CCDC192: variants seen among roughly 807,000 people sequenced by gnomAD.
CCDC192 encodes coiled-coil domain containing 192.
intron 3 of CCDC192, among the ~76,000 whole-genome samples, chr5:127,787,515 C>T (rs925064241): frequency 6.6e-6 from 1 of 152,088 alleles, no homozygotes; most frequent in Non-Finnish European, 1.5e-5. Context: ...TGTGTTATTT[C>T]TGTGTACGTG....
intron 5 of CCDC192, among the ~76,000 whole-genome samples, chr5:127,869,252 A>G (rs1483321966): frequency 6.6e-6 from 1 of 152,132 alleles, no homozygotes; most frequent in Non-Finnish European, 1.5e-5. Context: ...TGAACCCGGG[A>G]GGTGGAGGTT....
intron 3 of CCDC192, among the ~76,000 whole-genome samples, chr5:127,780,566 A>G (rs58989039): frequency 0.013 from 2,021 of 152,138 alleles, 42 homozygotes; most frequent in African/African-American, 0.047. Context: ...CATTTTCCTG[A>G]TCATTAGTGA....
At chr5:127,717,928 C>CAAAAAAAAAAAAAAAAAGAAAAAA (rs1751729357) in intron 2 of CCDC192, among the ~76,000 whole-genome samples, 4 of 98,026 alleles carry the variant, frequency 4.1e-5, no homozygotes, top group Non-Finnish European at 4.1e-5. Context: ...TAAAGCTAGA[C>CAAAAAAAAAAAAAAAAAGAAAAAA]AAAAAAAAAA....
At chr5:127,932,311 A>T (rs10057561) in intron 6 of CCDC192, among the ~76,000 whole-genome samples, 122,529 of 151,842 alleles carry the variant, frequency 0.81, 49,617 homozygotes, top group East Asian at 0.98. Context: ...TTCAAGTGAT[A>T]CTCCCACCTC....
intron 5 of CCDC192, among the ~76,000 whole-genome samples, chr5:127,873,905 T>C (rs1285042727): frequency 6.6e-6 from 1 of 152,136 alleles, no homozygotes; most frequent in African/African-American, 2.4e-5. Flanking sequence ...AACACAGCTG[T>C]CCAGCTGTCA....
At chr5:127,810,793 A>T (rs1758038387) in intron 5 of CCDC192, among the ~76,000 whole-genome samples, 1 of 152,142 alleles carries the variant, frequency 6.6e-6, no homozygotes, top group Non-Finnish European at 1.5e-5. Flanking sequence ...CTCAGGCTCC[A>T]TGTGTCATGT....
chr5:127,825,635 C>G (rs1439859579), intron 5 of CCDC192, among the ~76,000 whole-genome samples: 1 of 152,150 alleles, frequency 6.6e-6, no homozygotes, highest in East Asian at 1.9e-4. Context: ...TCTAACTGCT[C>G]CAAACATATA....
intron 3 of CCDC192, among the ~76,000 whole-genome samples, chr5:127,769,512 C>T (rs954484679): frequency 1.2e-4 from 18 of 151,766 alleles, no homozygotes; most frequent in Middle Eastern, 3.4e-3. Context: ...ACTGTGGTAC[C>T]TAATGAGATT....
rs145559699 is a variant in CCDC192 at position 127,733,193 on chromosome 5, A to G, written c.115-21075A>G. ...ACAAGGAGTAACCAGGCTAGGAGGT[A>G]TATTCACATAAAGCCAAGAGTTTCT... On this transcript the variant is annotated intron_variant, in intron 2 of 6. Transcript: ENST00000514853. Among the ~76,000 whole-genome samples, 586 of 152,252 alleles carry G rather than the reference A, an allele frequency of 3.8e-3. 3 individuals are homozygous for G. The highest frequency in any genetic ancestry group is 0.013 in the African/African-American group (555 of 41,542).
At chr5:127,793,608 C>T (rs1381691327) in intron 3 of CCDC192, among the ~76,000 whole-genome samples, 1 of 152,138 alleles carries the variant, frequency 6.6e-6, no homozygotes, top group Non-Finnish European at 1.5e-5. Context: ...GTTAATTCAC[C>T]ACTAAAGCAT....
intron 6 of CCDC192, among the ~76,000 whole-genome samples, chr5:127,925,691 G>A (rs1231355691): frequency 6.6e-6 from 1 of 152,144 alleles, no homozygotes; most frequent in African/African-American, 2.4e-5. Flanking sequence ...TTCCTCTCAA[G>A]TGTGCAAGGG....
intron 6 of CCDC192, among the ~76,000 whole-genome samples, chr5:127,915,675 C>A (rs1464367498): frequency 6.6e-6 from 1 of 152,208 alleles, no homozygotes; most frequent in Non-Finnish European, 1.5e-5. Context: ...GCCACTGCGC[C>A]CAGCAATACT....
At chr5:127,867,200 T>G (rs1413856740) in intron 5 of CCDC192, among the ~76,000 whole-genome samples, 1 of 152,212 alleles carries the variant, frequency 6.6e-6, no homozygotes, top group Non-Finnish European at 1.5e-5. Flanking sequence ...TTCCGGTCCT[T>G]GAACACATGC....
At chr5:127,709,197 GA>G (rs1490332530) in intron 2 of CCDC192, among the ~76,000 whole-genome samples, 1,246 of 113,006 alleles carry the variant, frequency 0.011, 25 homozygotes, top group African/African-American at 0.022. Flanking sequence ...GAGGTGGAGA[GA>G]GGGGGAGAGA....
chr5:127,896,112 C>A (rs189654737), intron 6 of CCDC192, among the ~76,000 whole-genome samples: 43 of 152,088 alleles, frequency 2.8e-4, no homozygotes, highest in Non-Finnish European at 4.4e-4. Flanking sequence ...GTGACTATCA[C>A]AAGAGATTGA....
chr5:127,757,691 G>T (rs577322225), intron 3 of CCDC192, among the ~76,000 whole-genome samples: 2 of 151,478 alleles, frequency 1.3e-5, no homozygotes, highest in East Asian at 2.0e-4. Flanking sequence ...TGTCCACTGG[G>T]TGCCACTGTC....
At chr5:127,777,897 C>CT (rs34221635) in intron 3 of CCDC192, among the ~76,000 whole-genome samples, 4,985 of 144,502 alleles carry the variant, frequency 0.034, 77 homozygotes, top group Middle Eastern at 0.051. Flanking sequence ...ATGAAACCTC[C>CT]TTTTTTTTTT....
intron 2 of CCDC192, among the ~76,000 whole-genome samples, chr5:127,722,561 A>C (rs184644780): frequency 4.2e-4 from 64 of 152,214 alleles, no homozygotes; most frequent in African/African-American, 1.4e-3. Flanking sequence ...GCATTTCCTC[A>C]ATGTTTTCTT....
intron 5 of CCDC192, among the ~76,000 whole-genome samples, chr5:127,864,740 T>G (rs900376541): frequency 5.3e-5 from 8 of 152,250 alleles, no homozygotes; most frequent in Non-Finnish European, 5.9e-5. Context: ...AAGTATCAAG[T>G]GCTTCTTTTA....
Sources: gnomAD v4.1 joint callset for allele counts (sites outside exome capture counted in the v4.1 genomes callset) on GRCh38, gnomAD v4.1.1 for gene constraint, MANE v1.5 for transcripts, NCBI Gene and HGNC (gene_info 2026-07-23, HGNC 2026-07-21) for gene names.